Variants in CSMD1 observed in about 807,000 individuals in gnomAD.
CSMD1 encodes CUB and sushi domain-containing protein 1.
Under a neutral mutation model 417.5 loss-of-function variants are expected in CSMD1, and 213 were observed. The ratio of observed to expected loss-of-function variants is 0.51; its 90% CI spans 0.46 to 0.57. The LOEUF is 0.57. CSMD1 is among the 20% of genes least tolerant of loss of function. CSMD1 has a pLI of 0.00. For missense variants in CSMD1, 6,923 were observed against 4,529.7 expected, an observed-to-expected ratio of 1.53 and a Z score of -15.17; for synonymous variants, 2,862 against 1,736.8, an observed-to-expected ratio of 1.65 and a Z score of -16.11.
intron 49 of CSMD1, among the ~76,000 whole-genome samples, chr8:3,083,992 G>T (rs1271300894): frequency 6.6e-6 from 1 of 151,996 alleles, no homozygotes; most frequent in African/African-American, 2.4e-5. Flanking sequence ...ATTACACTGT[G>T]AATCCCTTGG....
intron 2 of CSMD1, among the ~76,000 whole-genome samples, chr8:4,585,146 A>G (rs1313487143): frequency 6.6e-6 from 1 of 151,820 alleles, no homozygotes; most frequent in Non-Finnish European, 1.5e-5. Flanking sequence ...AAGTGTAGAT[A>G]TTAAAGTTAG....
At chr8:3,671,779 T>C (rs1328479144) in intron 7 of CSMD1, among the ~76,000 whole-genome samples, 1 of 151,646 alleles carries the variant, frequency 6.6e-6, no homozygotes. Flanking sequence ...TGCTGTTAAA[T>C]TGGAAAGAGC....
At chr8:4,425,149 C>G (rs1314005320) in intron 2 of CSMD1, among the ~76,000 whole-genome samples, 1 of 151,796 alleles carries the variant, frequency 6.6e-6, no homozygotes, top group Non-Finnish European at 1.5e-5. Flanking sequence ...AATTTCATGT[C>G]CCTTTAAATT....
At chr8:3,890,084 T>C (rs559471809) in intron 5 of CSMD1, among the ~76,000 whole-genome samples, 34 of 152,264 alleles carry the variant, frequency 2.2e-4, no homozygotes, top group Middle Eastern at 3.4e-3. Flanking sequence ...TGTGTTTTTA[T>C]TTTAGGACAA....
At chr8:4,202,599 C>T (rs1799724485) in intron 3 of CSMD1, among the ~76,000 whole-genome samples, 1 of 152,174 alleles carries the variant, frequency 6.6e-6, no homozygotes, top group Admixed American at 6.5e-5. Context: ...TACTTTCCTG[C>T]AATCTCTTTG....
intron 20 of CSMD1, 67 bp from the exon 21 acceptor site, chr8:3,359,407 G>C: frequency 5.2e-5 from 37 of 715,240 alleles, no homozygotes; most frequent in Middle Eastern, 3.5e-4. Flanking sequence ...TAAATAGCAA[G>C]AATAAAAAGT....
intron 5 of CSMD1, among the ~76,000 whole-genome samples, chr8:3,866,218 C>G (rs547387359): frequency 1.3e-5 from 2 of 152,146 alleles, no homozygotes; most frequent in African/African-American, 2.4e-5. Flanking sequence ...ATTCCTAATT[C>G]TAGTTTTGTT....
intron 7 of CSMD1, among the ~76,000 whole-genome samples, chr8:3,693,609 G>C (rs530147024): frequency 2.0e-5 from 3 of 152,102 alleles, no homozygotes; most frequent in Non-Finnish European, 4.4e-5. Context: ...CTTATTCCAT[G>C]AGAGAGACAA....
chr8:4,129,286 A>G (rs909237906), intron 3 of CSMD1, among the ~76,000 whole-genome samples: 18 of 152,082 alleles, frequency 1.2e-4, no homozygotes, highest in African/African-American at 4.3e-4. Flanking sequence ...CAACAAAACT[A>G]GCACAGTCAT....
At chr8:3,120,411 G>C (rs1177660922) in intron 41 of CSMD1, among the ~76,000 whole-genome samples, 1 of 152,198 alleles carries the variant, frequency 6.6e-6, no homozygotes, top group African/African-American at 2.4e-5. Context: ...GCGTTCACAA[G>C]ATTAATGTAA....
At chr8:4,025,676 G>C (rs927567629) in intron 4 of CSMD1, among the ~76,000 whole-genome samples, 4 of 152,128 alleles carry the variant, frequency 2.6e-5, no homozygotes, top group African/African-American at 9.7e-5. Context: ...TAAGTTGAAA[G>C]ACTCAAGAAT....
Position 4,944,875 on chromosome 8 carries a change from C to T in CSMD1, c.85+49457G>A, listed in dbSNP as rs376652727. ...CTTCTGAAAATTAAAAATAAAACTG[C>T]CATATAATAGAGGAATCCACTTCTG... On this transcript the variant is annotated intron_variant, in intron 1 of 69. Coordinates refer to ENST00000635120, the MANE Select transcript of CSMD1 (RefSeq NM_033225.6). 2.6e-5 allele frequency among the ~76,000 whole-genome samples: 4 copies of T among 152,052 alleles called. 1 individual carries two copies. The highest frequency in any genetic ancestry group is 9.6e-5 in the African/African-American group (4 of 41,456).
At chr8:4,937,365 G>A (rs1041099830) in intron 1 of CSMD1, among the ~76,000 whole-genome samples, 5 of 152,132 alleles carry the variant, frequency 3.3e-5, no homozygotes, top group Admixed American at 1.3e-4. Flanking sequence ...CACCTGCTGG[G>A]ACTTGATGTA....
intron 8 of CSMD1, chr8:3,598,452 C>T (rs1053116457): frequency 1.3e-5 from 2 of 152,236 alleles, no homozygotes; most frequent in African/African-American, 4.8e-5. Flanking sequence ...ACAGGCTCTT[C>T]TTCCTTCTGG....
At chr8:3,644,889 G>T (rs1414777639) in intron 7 of CSMD1, among the ~76,000 whole-genome samples, 1 of 138,194 alleles carries the variant, frequency 7.2e-6, no homozygotes, top group Non-Finnish European at 1.5e-5. Flanking sequence ...GCCATGCAGT[G>T]ATTAGACAAA....
chr8:4,675,011 C>T (rs1403089303), intron 1 of CSMD1, among the ~76,000 whole-genome samples: 1 of 152,152 alleles, frequency 6.6e-6, no homozygotes, highest in African/African-American at 2.4e-5. Flanking sequence ...AGAGCCTTCC[C>T]CAGGGAACTA....
At position 4,143,392 on chromosome 8, in the gene CSMD1, C is replaced by T. The variant is rs542615935; in HGVS notation, c.416-111293G>A. Among the ~76,000 whole-genome samples, 36 of 141,606 alleles carry T rather than the reference C, an allele frequency of 2.5e-4. 1 individual carries two copies. In the South Asian group the frequency reaches 4.1e-3, roughly 16 times the overall value. The allele number at this position is 141,606 out of a possible 152,430, so 92.9% of individuals were successfully genotyped here. ...ATCCCTTTTTTTTTTTTTTTTGCTA[C>T]AGACTAAGTTAATTAGGTGGAACCC... On this transcript the variant is annotated intron_variant, in intron 3 of 69. Transcript: ENST00000635120.
intron 3 of CSMD1, among the ~76,000 whole-genome samples, chr8:4,186,105 G>C (rs964325412): frequency 3.9e-5 from 6 of 152,070 alleles, no homozygotes; most frequent in Non-Finnish European, 7.4e-5. Flanking sequence ...TCTTTGATTG[G>C]GCCATGCCAG....
At chr8:3,143,698 T>C (rs535352219) in intron 40 of CSMD1, among the ~76,000 whole-genome samples, 19 of 152,324 alleles carry the variant, frequency 1.2e-4, no homozygotes, top group East Asian at 5.8e-4. Context: ...GTTATTCCAG[T>C]ATAAAAGAAA....
Sources: gnomAD v4.1 joint callset for allele counts (sites outside exome capture counted in the v4.1 genomes callset) on GRCh38, gnomAD v4.1.1 for gene constraint, MANE v1.5 for transcripts, NCBI Gene and HGNC (gene_info 2026-07-23, HGNC 2026-07-21) for gene names.